Variants in ARHGAP15 observed in about 807,000 individuals in gnomAD.
ARHGAP15 encodes Rho GTPase activating protein 15.
In ARHGAP15, 51 loss-of-function variants were observed where a neutral mutation model predicts 63.7. That is an observed-to-expected ratio of 0.80 (90% CI 0.64 to 1.01). The LOEUF is 1.01. Among genes scored for constraint, ARHGAP15 ranks in the 50% least tolerant of loss-of-function variants. The pLI is 0.00. For synonymous variants in ARHGAP15, 191 were observed against 193.8 expected (o/e 0.99, Z 0.12); for missense variants, 560 against 564.6 (o/e 0.99, Z 0.08).
At chr2:143,542,201 G>T (rs560451470) in intron 10 of ARHGAP15, among the ~76,000 whole-genome samples, 2 of 152,210 alleles carry the variant, frequency 1.3e-5, no homozygotes, top group African/African-American at 2.4e-5. Context: ...ATCTGCTGGT[G>T]TGTCGTTTGT....
intron 2 of ARHGAP15, among the ~76,000 whole-genome samples, chr2:143,195,379 G>A (rs1345075682): frequency 6.6e-6 from 1 of 152,028 alleles, no homozygotes; most frequent in Non-Finnish European, 1.5e-5. Flanking sequence ...TATGACATTG[G>A]CTCCCACTAG....
chr2:143,603,595 C>T (rs1697862291), intron 11 of ARHGAP15, among the ~76,000 whole-genome samples: 1 of 152,124 alleles, frequency 6.6e-6, no homozygotes, highest in Non-Finnish European at 1.5e-5. Flanking sequence ...ATTGAAAGGA[C>T]TCTAAGATTT....
At chr2:143,184,193 G>A (rs762112750) in intron 2 of ARHGAP15, among the ~76,000 whole-genome samples, 18 of 152,324 alleles carry the variant, frequency 1.2e-4, no homozygotes, top group African/African-American at 2.2e-4. Context: ...AAGATTCTTG[G>A]TGAGGCAAAA....
intron 13 of ARHGAP15, among the ~76,000 whole-genome samples, chr2:143,708,179 A>C (rs933319165): frequency 2.0e-5 from 3 of 152,204 alleles, no homozygotes; most frequent in Non-Finnish European, 4.4e-5. Flanking sequence ...ATTATAAAAG[A>C]ACTTATTTCT....
At chr2:143,168,743 A>G (rs1452225145) in intron 2 of ARHGAP15, among the ~76,000 whole-genome samples, 1 of 152,036 alleles carries the variant, frequency 6.6e-6, no homozygotes, top group African/African-American at 2.4e-5. Context: ...ACAATATTAT[A>G]CAAAATTTAA....
intron 12 of ARHGAP15, among the ~76,000 whole-genome samples, chr2:143,626,644 C>A (rs1035105774): frequency 6.6e-6 from 1 of 152,118 alleles, no homozygotes; most frequent in South Asian, 2.1e-4. Flanking sequence ...TATCAGAATG[C>A]CCTTTTTTCA....
chr2:143,187,086 A>G (rs543393918), intron 2 of ARHGAP15, among the ~76,000 whole-genome samples: 4 of 152,154 alleles, frequency 2.6e-5, no homozygotes, highest in Non-Finnish European at 5.9e-5. Context: ...CCAAGAGATT[A>G]TTTTGCAGCT....
chr2:143,551,198 C>A (rs1025728787), intron 10 of ARHGAP15, among the ~76,000 whole-genome samples: 12 of 152,172 alleles, frequency 7.9e-5, no homozygotes, highest in Non-Finnish European at 5.9e-5. Context: ...TCCACCCAGG[C>A]TGGAGTGCAA....
At chr2:143,609,889 G>A (rs1698187075) in intron 11 of ARHGAP15, among the ~76,000 whole-genome samples, 1 of 152,152 alleles carries the variant, frequency 6.6e-6, no homozygotes, top group Non-Finnish European at 1.5e-5. Flanking sequence ...AAATGCTCGT[G>A]CTCAAAAGAA....
chr2:143,468,578 G>A (rs1328931818), intron 8 of ARHGAP15, among the ~76,000 whole-genome samples: 1 of 151,706 alleles, frequency 6.6e-6, no homozygotes, highest in Non-Finnish European at 1.5e-5. Context: ...TTAAATCCTA[G>A]AGATTATAGC....
At chr2:143,669,513 A>G (rs933763734) in intron 12 of ARHGAP15, among the ~76,000 whole-genome samples, 6 of 152,210 alleles carry the variant, frequency 3.9e-5, no homozygotes, top group Admixed American at 1.3e-4. Context: ...GACAGCCACA[A>G]GTATAGGTAC....
At chr2:143,571,851 A>C (rs926167541) in intron 11 of ARHGAP15, 1 of 152,080 alleles carries the variant, frequency 6.6e-6, no homozygotes, top group African/African-American at 2.4e-5. Context: ...TGGGGGCTGG[A>C]GTATGTATGC....
rs1683733345 is a variant in ARHGAP15, at chr2:143,694,039, A to G, written c.1139-9380A>G. ...TTAAGTAGACAGTCTTTCAACTTCA[A>G]TTTCTAAAGTACTGCGCAGGCTTTA... On this transcript the variant is annotated intron_variant, in intron 12 of 13. Coordinates refer to ENST00000295095, the MANE Select transcript of ARHGAP15 (RefSeq NM_018460.4). 2.6e-5 allele frequency among the ~76,000 whole-genome samples: 4 copies of G among 152,356 alleles called. No individual in the cohort carries two copies. In the South Asian group the frequency reaches 8.3e-4, roughly 32 times the overall value.
intron 11 of ARHGAP15, among the ~76,000 whole-genome samples, chr2:143,561,915 TC>T (rs1424589857): frequency 6.6e-6 from 1 of 152,176 alleles, no homozygotes; most frequent in Non-Finnish European, 1.5e-5. Flanking sequence ...ATCTACATGA[TC>T]AAGAATCTTG....
chr2:143,659,398 T>C (rs898999738), intron 12 of ARHGAP15, among the ~76,000 whole-genome samples: 1 of 152,194 alleles, frequency 6.6e-6, no homozygotes, highest in Non-Finnish European at 1.5e-5. Context: ...TATTCATCTT[T>C]ATTCATTAAA....
At chr2:143,252,881 C>T (rs572662669) in intron 6 of ARHGAP15, among the ~76,000 whole-genome samples, 88 of 152,020 alleles carry the variant, frequency 5.8e-4, no homozygotes, top group Non-Finnish European at 8.8e-4. Context: ...ATTAGCTGGT[C>T]GAACTCTCAA....
chr2:143,408,890 A>G (rs1444515658), intron 6 of ARHGAP15, among the ~76,000 whole-genome samples: 1 of 151,900 alleles, frequency 6.6e-6, no homozygotes. Flanking sequence ...AGCTTAAATT[A>G]ATTCCCTTTG....
intron 6 of ARHGAP15, among the ~76,000 whole-genome samples, chr2:143,382,614 GT>G (rs1195630478): frequency 6.6e-6 from 1 of 152,138 alleles, no homozygotes; most frequent in Non-Finnish European, 1.5e-5. Flanking sequence ...GGTACTGGGG[GT>G]TAGGACTTTA....
chr2:143,132,009 A>T (rs553045396), intron 1 of ARHGAP15, among the ~76,000 whole-genome samples: 81 of 152,264 alleles, frequency 5.3e-4, no homozygotes, highest in East Asian at 1.9e-3. Flanking sequence ...AAAAAAAAAA[A>T]ATATTGCACT....
Sources: gnomAD v4.1 joint callset for allele counts (sites outside exome capture counted in the v4.1 genomes callset) on GRCh38, gnomAD v4.1.1 for gene constraint, MANE v1.5 for transcripts, NCBI Gene and HGNC (gene_info 2026-07-23, HGNC 2026-07-21) for gene names.